The following MALRD1 variants were observed in gnomAD, a reference collection of about 807,000 sequenced individuals.
The protein encoded by MALRD1 is MAM and LDL-receptor class A domain-containing protein 1.
Under a neutral mutation model 242.1 loss-of-function variants are expected in MALRD1, and 247 were observed. The ratio of observed to expected loss-of-function variants is 1.02; its 90% confidence interval spans 0.92 to 1.13. The LOEUF (loss-of-function observed/expected upper bound fraction) is 1.13, where lower values mean the gene tolerates loss of function less well. MALRD1 is among the 50% of genes most tolerant of loss of function. The probability of loss-of-function intolerance (pLI) is 0.00; values close to 1 mark genes in which losing one functional copy is unlikely to be tolerated. For synonymous variants in MALRD1, 995 were observed against 866.6 expected, an observed-to-expected ratio of 1.15 and a Z score of -2.60; for missense variants, 2,989 against 2,533.1, an observed-to-expected ratio of 1.18 and a Z score of -3.86.
chr10:19,539,928 T>G (rs1262758849), intron 32 of MALRD1, among the ~76,000 whole-genome samples: 1 of 142,672 alleles, frequency 7.0e-6, no homozygotes, highest in African/African-American at 2.7e-5. Context: ...ACACGCGCAG[T>G]GATGGGGTTT....
chr10:19,109,072 T>G (rs1365741398), intron 5 of MALRD1, among the ~76,000 whole-genome samples: 1 of 152,154 alleles, frequency 6.6e-6, no homozygotes, highest in Non-Finnish European at 1.5e-5. Context: ...CTGACTTTGG[T>G]TCCATTTGGG....
intron 31 of MALRD1, among the ~76,000 whole-genome samples, chr10:19,504,600 C>T (rs1056283637): frequency 1.1e-4 from 16 of 151,296 alleles, no homozygotes; most frequent in Admixed American, 3.3e-4. Flanking sequence ...CATACTTGCA[C>T]ACACACTCAT....
chr10:19,257,550 G>A lies in MALRD1; in HGVS notation c.2992-134G>A, dbSNP rs1026856307. On this transcript the variant is annotated intron_variant, in intron 18 of 39. Transcript: ENST00000454679. ...AAGATGACCACTTCTGGAGACTACTGCAAAGCAGTTTTTTAATGGCACAGA... is the reference window on the plus strand; with the variant it reads ...AAGATGACCACTTCTGGAGACTACTACAAAGCAGTTTTTTAATGGCACAGA... 4 of 644,560 alleles carry A rather than the reference G, an allele frequency of 6.2e-6. No individual in the cohort carries two copies. The African/African-American group carries it at 7.4e-5, about 12-fold the overall frequency. 39.9% of individuals were successfully genotyped at this position (644,560 alleles called of 1,614,324 possible).
chr10:19,495,053 T>G (rs532684468), intron 30 of MALRD1, among the ~76,000 whole-genome samples: 1 of 152,004 alleles, frequency 6.6e-6, no homozygotes, highest in East Asian at 1.9e-4. Context: ...CTCAGCTCAC[T>G]GCAACCTCCG....
intron 36 of MALRD1, among the ~76,000 whole-genome samples, chr10:19,666,075 C>A (rs752991618): frequency 9.2e-5 from 14 of 152,248 alleles, no homozygotes; most frequent in Non-Finnish European, 1.8e-4. Flanking sequence ...CGTCCTCCCT[C>A]CTCTTTCAAA....
At chr10:19,430,093 T>C (rs1029055612) in intron 28 of MALRD1, among the ~76,000 whole-genome samples, 2 of 150,584 alleles carry the variant, frequency 1.3e-5, no homozygotes, top group Admixed American at 6.6e-5. Flanking sequence ...TTTCTTTGCT[T>C]GGAATTTCTC....
chr10:19,468,171 T>G (rs1356184692), intron 29 of MALRD1, among the ~76,000 whole-genome samples: 1 of 152,198 alleles, frequency 6.6e-6, no homozygotes, highest in East Asian at 1.9e-4. Flanking sequence ...AGTTGTTTAT[T>G]CCTTAATGGT....
chr10:19,240,507 T>C (rs1032514115), intron 18 of MALRD1, among the ~76,000 whole-genome samples: 2 of 152,102 alleles, frequency 1.3e-5, no homozygotes, highest in Non-Finnish European at 2.9e-5. Context: ...TCACATTTTC[T>C]ACAAACAGAA....
At chr10:19,458,713 G>GT (rs1835787227) in intron 29 of MALRD1, among the ~76,000 whole-genome samples, 2 of 152,076 alleles carry the variant, frequency 1.3e-5, no homozygotes, top group Admixed American at 6.5e-5. Context: ...TTAAAATGTA[G>GT]TGTACAATTT....
At chr10:19,701,741 C>T (rs915793090) in intron 38 of MALRD1, among the ~76,000 whole-genome samples, 4 of 125,850 alleles carry the variant, frequency 3.2e-5, no homozygotes, top group African/African-American at 1.2e-4. Flanking sequence ...CCCTTCCCCT[C>T]CCCTCCCTTC....
chr10:19,126,653 G>A (rs539095818), intron 7 of MALRD1, among the ~76,000 whole-genome samples: 86 of 151,520 alleles, frequency 5.7e-4, no homozygotes, highest in African/African-American at 1.6e-3. Context: ...AATGTAATTC[G>A]TTTTTGCTGT....
chr10:19,052,202 A>G, intron 1 of MALRD1: 3 of 328,606 alleles, frequency 9.1e-6, no homozygotes, highest in South Asian at 8.2e-5. Flanking sequence ...AATCAAAAAG[A>G]AAAACCACAG....
At chr10:19,377,368 A>G (rs7068490) in intron 26 of MALRD1, among the ~76,000 whole-genome samples, 19,162 of 152,134 alleles carry the variant, frequency 0.13, 1,324 homozygotes, top group South Asian at 0.16. Flanking sequence ...ACTAAAATAC[A>G]TTTCATGCCC....
intron 5 of MALRD1, among the ~76,000 whole-genome samples, chr10:19,111,935 G>A (rs1425886234): frequency 6.6e-6 from 1 of 152,154 alleles, no homozygotes; most frequent in Admixed American, 6.5e-5. Context: ...GGCTGGGGCT[G>A]CACTTTGTAA....
intron 28 of MALRD1, among the ~76,000 whole-genome samples, chr10:19,432,854 T>C (rs2130953371): frequency 1.3e-5 from 2 of 152,344 alleles, no homozygotes; most frequent in East Asian, 3.9e-4. Context: ...ACTTGCAATA[T>C]CCAAAGGCTA....
chr10:19,148,780 A>T (rs1213291444), intron 11 of MALRD1, among the ~76,000 whole-genome samples: 1 of 72,128 alleles, frequency 1.4e-5, no homozygotes, highest in African/African-American at 5.1e-5. Context: ...AATTAAAAAA[A>T]AAAAAAAAAT....
chr10:19,164,369 C>T (rs1181325159), intron 12 of MALRD1, among the ~76,000 whole-genome samples: 1 of 152,136 alleles, frequency 6.6e-6, no homozygotes, highest in African/African-American at 2.4e-5. Context: ...TATATATACA[C>T]TAGAATCTGT....
chr10:19,389,375 C>G, intron 27 of MALRD1, 77 bp from the exon 28 acceptor site: 1 of 1,424,122 alleles, frequency 7.0e-7, no homozygotes, highest in Non-Finnish European at 9.7e-7. Flanking sequence ...AATTAAAGAC[C>G]CTAACTATGA....
At chr10:19,530,371 T>TA (rs1264772051) in intron 31 of MALRD1, among the ~76,000 whole-genome samples, 4 of 94,620 alleles carry the variant, frequency 4.2e-5, no homozygotes, top group Non-Finnish European at 7.0e-5. Flanking sequence ...ATATAAATAT[T>TA]TATATAAATA....
Sources: gnomAD v4.1 joint callset for allele counts (sites outside exome capture counted in the v4.1 genomes callset) on GRCh38, gnomAD v4.1.1 for gene constraint, MANE v1.5 for transcripts, NCBI Gene and HGNC (gene_info 2026-07-23, HGNC 2026-07-21) for gene names.